Variants in GRB10 observed in about 807,000 individuals in gnomAD.
GRB10 encodes growth factor receptor bound protein 10.
GRB10 carries 20 observed loss-of-function variants against 80.9 expected under a neutral mutation model. The observed-to-expected ratio is 0.25, with a 90% CI of 0.17 to 0.36. The LOEUF is 0.36. GRB10 is among the 10% of genes least tolerant of loss of function. The pLI is 1.00. For missense variants in GRB10, 548 were observed against 747.7 expected (o/e 0.73, Z 3.12); for synonymous variants, 291 against 291.5 (o/e 1.00, Z 0.02).
In GRB10 at chr7:50,592,856, G is replaced by C; in HGVS notation, c.*96C>G. 1 of 1,390,988 alleles carries C rather than the reference G, an allele frequency of 7.2e-7. No individual in the cohort carries two copies. Among genetic ancestry groups the C allele is most frequent in the Non-Finnish European group, 1.0e-6 (1 of 980,872 alleles). The allele number at this position is 1,390,988 out of a possible 1,614,324, so 86.2% of individuals were successfully genotyped here. A position where few individuals can be genotyped will look rare whatever the true frequency, so the allele number is the denominator to read the frequency against. Reference sequence around the variant, plus strand: ...AAACCCATCTCGCTCTGGGTCCCCAGGTGCAGAATCGATGTGTGTTCTTCA... The same window carrying C: ...AAACCCATCTCGCTCTGGGTCCCCACGTGCAGAATCGATGTGTGTTCTTCA... On this transcript the variant is annotated 3_prime_UTR_variant, in exon 19 of 19. Coordinates refer to ENST00000401949, the MANE Select transcript of GRB10 (RefSeq NM_001350814.2).
chr7:50,733,460 A>G (rs2070246474), intron 3 of GRB10, among the ~76,000 whole-genome samples: 1 of 152,224 alleles, frequency 6.6e-6, no homozygotes, highest in South Asian at 2.1e-4. Context: ...CAGATCTGTA[A>G]AATTTACTAC....
intron 17 of GRB10, among the ~76,000 whole-genome samples, chr7:50,598,421 A>G (rs374984953): frequency 6.6e-6 from 1 of 152,180 alleles, no homozygotes; most frequent in East Asian, 1.9e-4. Context: ...AGAACCAGGT[A>G]AGTTCTTAAG....
chr7:50,688,696 G>T (rs1426279883), intron 5 of GRB10, among the ~76,000 whole-genome samples: 9 of 143,702 alleles, frequency 6.3e-5, no homozygotes, highest in Non-Finnish European at 1.1e-4. Flanking sequence ...GGTGTTCCCA[G>T]ACTGTTTAAA....
In GRB10 at chr7:50,592,895, C is replaced by T. The variant is rs997888132; in HGVS notation, c.*57G>A. ...GTGTGTTCTTCACCAACGCACAGAC[C>T]GCTTCTTCACTCCAGTGTTCACTTC... On this transcript the variant is annotated 3_prime_UTR_variant, in exon 19 of 19. Transcript: ENST00000401949. 2.6e-5 allele frequency: 41 copies of T among 1,594,310 alleles called. No individual in the cohort carries two copies. Among genetic ancestry groups the T allele is most frequent in the East Asian group, 4.5e-5 (2 of 44,806 alleles).
intron 2 of GRB10, among the ~76,000 whole-genome samples, chr7:50,756,454 G>A (rs2075102430): frequency 6.6e-6 from 1 of 152,224 alleles, no homozygotes; most frequent in African/African-American, 2.4e-5. Context: ...GGCCCACCCA[G>A]CAGGAACCTG....
At chr7:50,672,744 C>T (rs1485848182) in intron 6 of GRB10, among the ~76,000 whole-genome samples, 1 of 152,204 alleles carries the variant, frequency 6.6e-6, no homozygotes, top group African/African-American at 2.4e-5. Flanking sequence ...CACCCTCGGG[C>T]ACCTTCGCCA....
At chr7:50,697,172 C>G (rs903264649) in intron 5 of GRB10, among the ~76,000 whole-genome samples, 1 of 152,142 alleles carries the variant, frequency 6.6e-6, no homozygotes, top group Admixed American at 6.5e-5. Context: ...TTAATGGGTA[C>G]AGAGTTTCTG....
At position 50,592,795 on chromosome 7, in the gene GRB10, A is replaced by C; in HGVS notation, c.*157T>G. 1.1e-6 allele frequency: 1 copy of C among 886,684 alleles called. No individual in the cohort carries two copies. The highest frequency in any genetic ancestry group is 1.5e-5 in the South Asian group (1 of 66,742). The allele number at this position is 886,684 out of a possible 1,614,324, so 54.9% of individuals were successfully genotyped here. A position where few individuals can be genotyped will look rare whatever the true frequency, so the allele number is the denominator to read the frequency against. ...CAGCAGCAAATCGTCGTTTAAGTCCAACAAACTAGTCAATCTTGGTCGGCT... is the reference window on the plus strand; with the variant it reads ...CAGCAGCAAATCGTCGTTTAAGTCCCACAAACTAGTCAATCTTGGTCGGCT... On this transcript the variant is annotated 3_prime_UTR_variant, in exon 19 of 19. Transcript: ENST00000401949.
chr7:50,618,040 A>G (rs1208804093), intron 10 of GRB10, 31 bp downstream of exon 10: 1 of 1,558,788 alleles, frequency 6.4e-7, no homozygotes. Context: ...CAGAAAGTCT[A>G]TTTCAGCAGA....
intron 7 of GRB10, among the ~76,000 whole-genome samples, chr7:50,628,062 C>T (rs1359687318): frequency 1.3e-5 from 2 of 152,178 alleles, no homozygotes; most frequent in South Asian, 2.1e-4. Flanking sequence ...GGGGTGAGGA[C>T]GCCAACCACA....
At chr7:50,671,645 G>A (rs548596696) in intron 6 of GRB10, among the ~76,000 whole-genome samples, 7 of 152,208 alleles carry the variant, frequency 4.6e-5, no homozygotes, top group African/African-American at 1.2e-4. Flanking sequence ...CAACTGAAAC[G>A]TCTGGCCATT....
intron 4 of GRB10, among the ~76,000 whole-genome samples, chr7:50,712,451 T>C (rs1389029261): frequency 1.3e-5 from 2 of 152,228 alleles, no homozygotes; most frequent in African/African-American, 4.8e-5. Flanking sequence ...TACTTACAAT[T>C]GTATTCACAC....
rs763882291 is a variant in GRB10 at position 50,616,397 on chromosome 7, T to TA, written c.847-51dup. 2.6e-6 allele frequency: 4 copies of TA among 1,532,760 alleles called. No individual in the cohort carries two copies. The African/African-American group carries it at 5.5e-5, about 21-fold the overall frequency. The allele number at this position is 1,532,760 out of a possible 1,614,324, so 94.9% of individuals were successfully genotyped here. A position where few individuals can be genotyped will look rare whatever the true frequency, so the allele number is the denominator to read the frequency against. On this transcript the variant is annotated intron_variant, in intron 10 of 18. Coordinates refer to ENST00000401949, the MANE Select transcript of GRB10 (RefSeq NM_001350814.2). ...TCACATAATGCTAATCTAAAATAAT[T>TA]AAAGCAGACATGTTATCAGCATAGC... is the stretch of plus-strand genomic sequence containing the variant.
intron 5 of GRB10, among the ~76,000 whole-genome samples, chr7:50,677,442 G>A (rs1397571474): frequency 6.6e-6 from 1 of 152,140 alleles, no homozygotes; most frequent in Non-Finnish European, 1.5e-5. Context: ...GGAGAGGAGA[G>A]CCTCACTGCC....
chr7:50,724,344 GTAAAA>G (rs1356648990), intron 4 of GRB10, among the ~76,000 whole-genome samples: 2 of 152,230 alleles, frequency 1.3e-5, no homozygotes, highest in East Asian at 3.9e-4. Flanking sequence ...TTGCCAGAAA[GTAAAA>G]TAAAACAAAA....
At chr7:50,773,859 A>G (rs1167103575) in intron 2 of GRB10, among the ~76,000 whole-genome samples, 3 of 152,154 alleles carry the variant, frequency 2.0e-5, no homozygotes, top group East Asian at 1.9e-4. Context: ...TTGTTTGTTT[A>G]TTTATTTATT....
intron 7 of GRB10, among the ~76,000 whole-genome samples, chr7:50,631,359 GCA>G (rs959651644): frequency 1.0e-5 from 1 of 96,314 alleles, no homozygotes; most frequent in African/African-American, 4.1e-5. Context: ...CCTCCAGGGT[GCA>G]CACACTGACC....
chr7:50,750,288 C>A (rs2073875434), intron 3 of GRB10, among the ~76,000 whole-genome samples: 1 of 152,162 alleles, frequency 6.6e-6, no homozygotes, highest in Non-Finnish European at 1.5e-5. Flanking sequence ...CAAGGATGAT[C>A]ATAAGCAACA....
At chr7:50,608,448 T>C (rs898263394) in intron 13 of GRB10, among the ~76,000 whole-genome samples, 2 of 152,194 alleles carry the variant, frequency 1.3e-5, no homozygotes, top group Non-Finnish European at 2.9e-5. Flanking sequence ...AGCTGAGGTC[T>C]TCTAGTCCCA....
Sources: allele counts gnomAD v4.1 joint callset (sites outside exome capture counted in the v4.1 genomes callset), GRCh38; gene constraint gnomAD v4.1.1; transcripts MANE v1.5; gene names NCBI Gene and HGNC (gene_info 2026-07-23, HGNC 2026-07-21).